The following KIF5C variants were observed in gnomAD, a reference collection of about 807,000 sequenced individuals.
The protein encoded by KIF5C is kinesin family member 5C, also known as kinesin heavy chain isoform 5C.
In KIF5C, 18 loss-of-function variants were observed where a neutral mutation model predicts 125.2. The ratio of observed to expected loss-of-function variants is 0.14; its 90% CI spans 0.10 to 0.21. KIF5C has a LOEUF of 0.21. KIF5C is among the 10% of genes least tolerant of loss of function. The probability of loss-of-function intolerance (pLI) is 1.00; values close to 1 mark genes in which losing one functional copy is unlikely to be tolerated. For synonymous variants in KIF5C, 405 were observed against 434.0 expected (o/e 0.93, Z 0.83); for missense variants, 780 against 1,183.8 (o/e 0.66, Z 5.01).
intron 7 of KIF5C, among the ~76,000 whole-genome samples, chr2:148,946,581 T>G (rs1315684842): frequency 6.6e-6 from 1 of 152,182 alleles, no homozygotes; most frequent in Non-Finnish European, 1.5e-5. Context: ...TAGTGAATTC[T>G]TCAAGGGGAA....
chr2:148,962,134 G>C lies in KIF5C; in HGVS notation c.1117+15G>C, dbSNP rs756576839. ...GTGGAGGAATGGTAAGGAAAAGTAA[G>C]GAGGAAGAGTGAGGCATGAGTGTGT... On this transcript the variant is annotated intron_variant, in intron 11 of 25. Transcript: ENST00000435030. 20 of 1,591,480 alleles carry C rather than the reference G, an allele frequency of 1.3e-5. No homozygotes were observed. Among genetic ancestry groups the C allele is most frequent in the Non-Finnish European group, 1.6e-5 (19 of 1,169,094 alleles).
chr2:148,975,652 G>A (rs977066874), intron 12 of KIF5C, among the ~76,000 whole-genome samples: 1 of 152,108 alleles, frequency 6.6e-6, no homozygotes, highest in Admixed American at 6.5e-5. Context: ...CTGTTCCTCC[G>A]TGCTGCCCCG....
chr2:148,893,097 A>G (rs1681750689), intron 1 of KIF5C, among the ~76,000 whole-genome samples: 1 of 152,166 alleles, frequency 6.6e-6, no homozygotes, highest in South Asian at 2.1e-4. Flanking sequence ...GTAGATATTT[A>G]TTGTCAAGAT....
At chr2:148,983,089 A>G (rs545457055) in intron 14 of KIF5C, among the ~76,000 whole-genome samples, 7 of 152,216 alleles carry the variant, frequency 4.6e-5, no homozygotes, top group African/African-American at 1.7e-4. Flanking sequence ...ATTCAGCTTC[A>G]CTCTGAAAAT....
At chr2:148,957,153 G>A (rs1036231674) in intron 10 of KIF5C, among the ~76,000 whole-genome samples, 3 of 152,156 alleles carry the variant, frequency 2.0e-5, no homozygotes, top group Non-Finnish European at 2.9e-5. Flanking sequence ...GCTACCTGAA[G>A]TTCTTTTGGA....
chr2:148,999,141 C>T (rs1385529730), intron 19 of KIF5C, among the ~76,000 whole-genome samples: 1 of 152,220 alleles, frequency 6.6e-6, no homozygotes, highest in African/African-American at 2.4e-5. Context: ...CTTGTCGCAG[C>T]CTCTGACATG....
intron 4 of KIF5C, among the ~76,000 whole-genome samples, chr2:148,937,854 C>G (rs1164668225): frequency 6.6e-6 from 1 of 152,210 alleles, no homozygotes; most frequent in East Asian, 1.9e-4. Flanking sequence ...AGGGGACATG[C>G]ATTAGATTAC....
intron 19 of KIF5C, 187 bp downstream of exon 19, chr2:148,998,696 T>C (rs1244067430): frequency 2.0e-6 from 2 of 990,412 alleles, no homozygotes; most frequent in Non-Finnish European, 2.9e-6. Context: ...CTGAGCCTCC[T>C]GGAGCCCTGG....
At chr2:148,914,476 C>T (rs1460999307) in intron 1 of KIF5C, among the ~76,000 whole-genome samples, 2 of 152,248 alleles carry the variant, frequency 1.3e-5, no homozygotes, top group Admixed American at 1.3e-4. Flanking sequence ...TGTCTGTGAT[C>T]TTGACAGTGT....
chr2:149,010,382 T>C, intron 24 of KIF5C, 31 bp downstream of exon 24: 2 of 1,512,892 alleles, frequency 1.3e-6, no homozygotes, highest in Non-Finnish European at 8.9e-7. Context: ...GCCCGGGGTT[T>C]GAGAAGCTAC....
At chr2:148,889,653 C>T (rs1008148347) in intron 1 of KIF5C, among the ~76,000 whole-genome samples, 2 of 152,208 alleles carry the variant, frequency 1.3e-5, no homozygotes, top group African/African-American at 2.4e-5. Context: ...TTAGATGATC[C>T]GGCACTATGT....
intron 14 of KIF5C, among the ~76,000 whole-genome samples, chr2:148,983,193 G>A (rs1337106625): frequency 6.6e-6 from 1 of 152,156 alleles, no homozygotes; most frequent in Non-Finnish European, 1.5e-5. Context: ...CAATTTAGGT[G>A]GGAATATGGA....
chr2:148,935,218 C>T (rs1445267180), intron 3 of KIF5C, among the ~76,000 whole-genome samples: 1 of 152,120 alleles, frequency 6.6e-6, no homozygotes, highest in African/African-American at 2.4e-5. Context: ...CAAAGGCAAA[C>T]AAAGAGATGT....
At chr2:149,017,218 G>A (rs745740743) in intron 25 of KIF5C, among the ~76,000 whole-genome samples, 4 of 152,308 alleles carry the variant, frequency 2.6e-5, no homozygotes, top group Non-Finnish European at 2.9e-5. Context: ...CAGCATAGTT[G>A]TGTGCGATGG....
intron 23 of KIF5C, 58 bp from the exon 24 acceptor site, chr2:149,010,077 G>A: frequency 2.0e-6 from 3 of 1,496,310 alleles, no homozygotes; most frequent in Non-Finnish European, 2.7e-6. Flanking sequence ...TGGCTGCTCT[G>A]GTTTGTGCAA....
At chr2:148,889,666 G>T (rs369180856) in intron 1 of KIF5C, among the ~76,000 whole-genome samples, 3 of 152,236 alleles carry the variant, frequency 2.0e-5, no homozygotes, top group African/African-American at 7.2e-5. Context: ...CACTATGTTT[G>T]ACTGCTTCTG....
intron 3 of KIF5C, among the ~76,000 whole-genome samples, chr2:148,936,580 T>G (rs1196443978): frequency 6.6e-6 from 1 of 152,194 alleles, no homozygotes; most frequent in Non-Finnish European, 1.5e-5. Context: ...AATATCCAAA[T>G]AGCAGAAGAA....
chr2:148,885,174 CG>C (rs1253018583), intron 1 of KIF5C, among the ~76,000 whole-genome samples: 1 of 152,086 alleles, frequency 6.6e-6, no homozygotes, highest in Non-Finnish European at 1.5e-5. Context: ...TTAGTAGAGA[CG>C]GGGTTTCACC....
chr2:148,936,987 A>G (rs1475378208), intron 3 of KIF5C, among the ~76,000 whole-genome samples: 1 of 152,072 alleles, frequency 6.6e-6, no homozygotes, highest in Non-Finnish European at 1.5e-5. Flanking sequence ...ACCCCACACT[A>G]GCCACATAGA....
Sources: allele counts gnomAD v4.1 joint callset (sites outside exome capture counted in the v4.1 genomes callset), GRCh38; gene constraint gnomAD v4.1.1; transcripts MANE v1.5; gene names NCBI Gene and HGNC (gene_info 2026-07-23, HGNC 2026-07-21).